The following LRBA variants were observed in gnomAD, a reference collection of about 807,000 sequenced individuals.
The protein encoded by LRBA is LPS responsive beige-like anchor protein, also known as lipopolysaccharide-responsive and beige-like anchor protein.
In LRBA, 176 loss-of-function variants were observed where a neutral mutation model predicts 330.0. The observed-to-expected ratio is 0.53, with a 90% CI of 0.47 to 0.60. The LOEUF (loss-of-function observed/expected upper bound fraction) is 0.60. LRBA is among the 20% of genes least tolerant of loss of function. The pLI, the probability that LRBA is intolerant of heterozygous loss-of-function variation, is 0.00. For synonymous variants in LRBA, 1,230 were observed against 1,193.0 expected, an observed-to-expected ratio of 1.03 and a Z score of -0.64; for missense variants, 3,259 against 3,444.8, an observed-to-expected ratio of 0.95 and a Z score of 1.35.
intron 28 of LRBA, among the ~76,000 whole-genome samples, chr4:150,836,196 G>A (rs371429512): frequency 3.6e-4 from 55 of 152,220 alleles, no homozygotes; most frequent in African/African-American, 1.2e-3. Context: ...TGCTGGATTC[G>A]GTTTGCCAGT....
At chr4:150,374,771 G>C (rs1047008826) in intron 47 of LRBA, among the ~76,000 whole-genome samples, 1 of 152,148 alleles carries the variant, frequency 6.6e-6, no homozygotes, top group African/African-American at 2.4e-5. Flanking sequence ...TTTCAGGTAA[G>C]GGATACTCAA....
At chr4:150,528,230 G>C (rs778972445) in intron 40 of LRBA, among the ~76,000 whole-genome samples, 2 of 152,010 alleles carry the variant, frequency 1.3e-5, no homozygotes, top group African/African-American at 2.4e-5. Flanking sequence ...TGATGATAAA[G>C]AATGATACGT....
At chr4:150,386,710 C>G (rs559584415) in intron 47 of LRBA, among the ~76,000 whole-genome samples, 9 of 152,076 alleles carry the variant, frequency 5.9e-5, no homozygotes, top group Non-Finnish European at 1.0e-4. Flanking sequence ...CTATTGTGAA[C>G]AGTGCTGCAA....
chr4:150,819,137 C>G (rs1380885804), intron 30 of LRBA, among the ~76,000 whole-genome samples: 1 of 149,124 alleles, frequency 6.7e-6, no homozygotes, highest in African/African-American at 2.5e-5. Context: ...GGATGAATCT[C>G]AAAAGCATTA....
In LRBA at chr4:150,467,794, G is replaced by C; in HGVS notation, c.6668-9C>G. Reference sequence around the variant, plus strand: ...GTCATTATAACTCCGTCCTGATAGGGAAAAAAGTTACTCGTAATTTATAAT... The same window carrying C: ...GTCATTATAACTCCGTCCTGATAGGCAAAAAAGTTACTCGTAATTTATAAT... On this transcript the variant is annotated splice_polypyrimidine_tract_variant and intron_variant, in intron 43 of 56. Coordinates refer to ENST00000651943, the MANE Select transcript of LRBA (RefSeq NM_001364905.1). The C allele has an allele frequency of 8.0e-7, 1 of 1,244,074 alleles. No homozygotes were observed. The highest frequency in any genetic ancestry group is 1.1e-6 in the Non-Finnish European group (1 of 871,330). 77.1% of individuals were successfully genotyped at this position (1,244,074 alleles called of 1,614,324 possible). A position where few individuals can be genotyped will look rare whatever the true frequency, so the allele number is the denominator to read the frequency against.
At chr4:150,267,438 AAC>A (rs199655551) in intron 56 of LRBA, among the ~76,000 whole-genome samples, 5,022 of 150,852 alleles carry the variant, frequency 0.033, 159 homozygotes, top group Non-Finnish European at 0.045. Flanking sequence ...AAAAAAAACA[AAC>A]AACAACATAA....
intron 40 of LRBA, among the ~76,000 whole-genome samples, chr4:150,563,463 C>G (rs1287476397): frequency 1.3e-5 from 2 of 152,038 alleles, no homozygotes; most frequent in African/African-American, 4.8e-5. Flanking sequence ...TGGACAAAAG[C>G]TGGAAGCATT....
chr4:150,277,772 G>A, intron 56 of LRBA, 81 bp downstream of exon 56: 5 of 1,393,462 alleles, frequency 3.6e-6, no homozygotes, highest in Non-Finnish European at 5.0e-6. Flanking sequence ...AAAGTACTGG[G>A]ATTACAGGTG....
chr4:150,783,709 G>C (rs1289789578), intron 34 of LRBA, among the ~76,000 whole-genome samples: 1 of 152,220 alleles, frequency 6.6e-6, no homozygotes, highest in African/African-American at 2.4e-5. Context: ...AGTGTCAGGA[G>C]AATGTGGGGA....
intron 40 of LRBA, among the ~76,000 whole-genome samples, chr4:150,523,367 C>A (rs1215570017): frequency 6.6e-6 from 1 of 152,020 alleles, no homozygotes; most frequent in Non-Finnish European, 1.5e-5. Context: ...GTTGAAGGGG[C>A]CACTATCTTA....
intron 40 of LRBA, among the ~76,000 whole-genome samples, chr4:150,551,794 A>T (rs1262321548): frequency 6.6e-6 from 1 of 152,178 alleles, no homozygotes; most frequent in Non-Finnish European, 1.5e-5. Context: ...CCCATAGAAA[A>T]GTCTATTAAA....
intron 30 of LRBA, among the ~76,000 whole-genome samples, chr4:150,819,921 T>G (rs761523900): frequency 6.6e-6 from 1 of 152,116 alleles, no homozygotes; most frequent in Non-Finnish European, 1.5e-5. Context: ...TACATGAATT[T>G]ACATTTTACA....
intron 47 of LRBA, 50 bp downstream of exon 47, chr4:150,415,388 T>G (rs2151951604): frequency 6.4e-7 from 1 of 1,554,768 alleles, no homozygotes; most frequent in Non-Finnish European, 8.8e-7. Context: ...ACATGAAAGA[T>G]GCTTTGAGCA....
At position 150,435,505 on chromosome 4, in the gene LRBA, G is replaced by A. The variant is rs143155347; in HGVS notation, c.7041+84C>T. ...AGATTTATCTTTTGTAAATAGGGCT[G>A]TATGGCAGTAGAGAAAATTTTCAAC... On this transcript the variant is annotated intron_variant, in intron 46 of 56. Coordinates refer to ENST00000651943, the MANE Select transcript of LRBA (RefSeq NM_001364905.1). The A allele has an allele frequency of 4.6e-4, 585 of 1,276,988 alleles. 6 individuals are homozygous for A. In the East Asian group the frequency reaches 0.012, roughly 27 times the overall value. 79.1% of individuals were successfully genotyped at this position (1,276,988 alleles called of 1,614,324 possible).
At chr4:150,842,783 C>T (rs1749282532) in intron 28 of LRBA, among the ~76,000 whole-genome samples, 1 of 152,106 alleles carries the variant, frequency 6.6e-6, no homozygotes, top group African/African-American at 2.4e-5. Context: ...TTAAATATTG[C>T]TAACTCCCTC....
At chr4:150,701,274 A>T (rs1785094373) in intron 36 of LRBA, among the ~76,000 whole-genome samples, 1 of 152,164 alleles carries the variant, frequency 6.6e-6, no homozygotes, top group Non-Finnish European at 1.5e-5. Flanking sequence ...CTCTTGAAAG[A>T]CCTGACTGAG....
intron 40 of LRBA, among the ~76,000 whole-genome samples, chr4:150,537,244 TAA>T (rs1339600593): frequency 6.6e-6 from 1 of 152,176 alleles, no homozygotes; most frequent in Non-Finnish European, 1.5e-5. Context: ...GCCTATTTAA[TAA>T]ATAGTGCCGG....
chr4:150,541,480 A>G (rs931326445), intron 40 of LRBA, among the ~76,000 whole-genome samples: 1 of 152,218 alleles, frequency 6.6e-6, no homozygotes, highest in Non-Finnish European at 1.5e-5. Context: ...TACTTCATAT[A>G]TAACAGTTCT....
At chr4:150,795,384 C>T (rs1740639789) in intron 34 of LRBA, among the ~76,000 whole-genome samples, 1 of 151,980 alleles carries the variant, frequency 6.6e-6, no homozygotes, top group Admixed American at 6.6e-5. Context: ...AGAACTTGTT[C>T]AATTTTTGTG....
Sources: gnomAD v4.1 joint callset for allele counts (sites outside exome capture counted in the v4.1 genomes callset) on GRCh38, gnomAD v4.1.1 for gene constraint, MANE v1.5 for transcripts, NCBI Gene and HGNC (gene_info 2026-07-23, HGNC 2026-07-21) for gene names.